EXOC4: variants seen among roughly 807,000 people sequenced by gnomAD.
EXOC4 encodes exocyst complex component 4.
A neutral mutation model predicts 107.2 loss-of-function variants in EXOC4; 71 were observed. The ratio of observed to expected loss-of-function variants is 0.66; its 90% CI spans 0.55 to 0.81. The LOEUF is 0.81. EXOC4 is among the 30% of genes least tolerant of loss of function. EXOC4 has a pLI of 0.00. For synonymous variants in EXOC4, 456 were observed against 441.2 expected, an observed-to-expected ratio of 1.03 and a Z score of -0.42; for missense variants, 1,108 against 1,189.6, an observed-to-expected ratio of 0.93 and a Z score of 1.01.
At chr7:134,014,438 G>A (rs1050210805) in intron 17 of EXOC4, among the ~76,000 whole-genome samples, 4 of 152,084 alleles carry the variant, frequency 2.6e-5, no homozygotes, top group Non-Finnish European at 4.4e-5. Flanking sequence ...ATCCATCAAC[G>A]TATGGATGAA....
intron 9 of EXOC4, among the ~76,000 whole-genome samples, chr7:133,627,251 G>A (rs949520265): frequency 6.6e-6 from 1 of 152,212 alleles, no homozygotes; most frequent in African/African-American, 2.4e-5. Flanking sequence ...TACGAGGGGA[G>A]AGGGACCTCC....
intron 10 of EXOC4, among the ~76,000 whole-genome samples, chr7:133,733,806 G>T (rs1416580769): frequency 6.6e-6 from 1 of 152,002 alleles, no homozygotes; most frequent in South Asian, 2.1e-4. Flanking sequence ...CAAGTCTATG[G>T]TAACTTTCTC....
chr7:133,605,270 T>C (rs780744222), intron 9 of EXOC4, among the ~76,000 whole-genome samples: 7 of 152,206 alleles, frequency 4.6e-5, no homozygotes, highest in Non-Finnish European at 7.3e-5. Context: ...TGCAATCTTT[T>C]AATTTTTTTG....
intron 3 of EXOC4, among the ~76,000 whole-genome samples, chr7:133,296,656 ATTGT>A (rs1293230485): frequency 1.3e-5 from 2 of 151,950 alleles, no homozygotes; most frequent in African/African-American, 2.4e-5. Context: ...TAGAAACTAG[ATTGT>A]TTGATAGGCA....
chr7:133,538,882 A>AGAGGGG (rs1357203821), intron 9 of EXOC4, among the ~76,000 whole-genome samples: 1 of 59,946 alleles, frequency 1.7e-5, no homozygotes, highest in Non-Finnish European at 3.1e-5. Context: ...AGAGAGAGAG[A>AGAGGGG]GGGAGGGAGG....
At chr7:133,692,878 C>T (rs192404416) in intron 10 of EXOC4, among the ~76,000 whole-genome samples, 91 of 152,248 alleles carry the variant, frequency 6.0e-4, no homozygotes, top group African/African-American at 2.0e-3. Context: ...GCCACATGTT[C>T]GGTACTGTGC....
chr7:133,412,285 T>TTTG (rs1554448879), intron 7 of EXOC4, among the ~76,000 whole-genome samples: 3 of 145,100 alleles, frequency 2.1e-5, no homozygotes, highest in Admixed American at 7.0e-5. Context: ...TCAGTTTTTT[T>TTTG]TTTTTTTTTT....
intron 10 of EXOC4, chr7:133,771,503 A>T (rs1012247941): frequency 6.6e-6 from 1 of 151,996 alleles, no homozygotes; most frequent in African/African-American, 2.4e-5. Context: ...GCTCTCTAAT[A>T]ACCATGCTTG....
At chr7:133,338,826 T>C (rs1795591594) in intron 5 of EXOC4, among the ~76,000 whole-genome samples, 1 of 141,102 alleles carries the variant, frequency 7.1e-6, no homozygotes, top group Admixed American at 7.6e-5. Context: ...CGATCTCAGC[T>C]CACTGCAACC....
intron 4 of EXOC4, among the ~76,000 whole-genome samples, chr7:133,310,435 C>T (rs1244786235): frequency 2.6e-5 from 4 of 152,170 alleles, no homozygotes; most frequent in Non-Finnish European, 5.9e-5. Flanking sequence ...TCAAGGTCCT[C>T]TGCTGATGAG....
chr7:133,574,683 A>C (rs1009662367), intron 9 of EXOC4, among the ~76,000 whole-genome samples: 18 of 152,176 alleles, frequency 1.2e-4, no homozygotes, highest in Admixed American at 9.2e-4. Flanking sequence ...TGCTTCTCAG[A>C]AATGTAAATT....
intron 5 of EXOC4, among the ~76,000 whole-genome samples, chr7:133,320,030 T>A (rs1312377537): frequency 6.6e-6 from 1 of 152,132 alleles, no homozygotes; most frequent in East Asian, 1.9e-4. Flanking sequence ...CAGTCCCATT[T>A]TACAGATGAG....
chr7:133,477,310 T>G (rs1314026773), intron 8 of EXOC4, among the ~76,000 whole-genome samples: 1 of 152,170 alleles, frequency 6.6e-6, no homozygotes, highest in Admixed American at 6.6e-5. Flanking sequence ...TCACCACATA[T>G]TCATCCCTCC....
intron 5 of EXOC4, among the ~76,000 whole-genome samples, chr7:133,352,887 C>T (rs1795942665): frequency 6.6e-6 from 1 of 151,950 alleles, no homozygotes; most frequent in Admixed American, 6.6e-5. Context: ...TGAATTTATA[C>T]CAGTTTAACT....
chr7:133,953,718 C>G (rs371307922), intron 14 of EXOC4, among the ~76,000 whole-genome samples: 2 of 152,076 alleles, frequency 1.3e-5, no homozygotes, highest in Admixed American at 6.5e-5. Context: ...CTAGAGAATT[C>G]AAAATTTACA....
At chr7:134,032,238 A>G (rs748641009) in intron 17 of EXOC4, among the ~76,000 whole-genome samples, 4 of 152,232 alleles carry the variant, frequency 2.6e-5, no homozygotes, top group Non-Finnish European at 5.9e-5. Flanking sequence ...GATTTTCAAT[A>G]TATTACACTA....
chr7:133,630,081 C>A lies in EXOC4; in HGVS notation c.1454C>A (p.Thr485Lys), dbSNP rs2151014858. The change falls in exon 10 of 18, where the codon ACA becomes AAA. Residue 485 changes from threonine (T) to lysine (K), a missense_variant. Physicochemically the swap from Thr to Lys is moderately conservative, Grantham distance 78. Coordinates refer to ENST00000253861, the MANE Select transcript of EXOC4 (RefSeq NM_021807.4). ...PDDNLIEGGG[T>K]KFVCKPGARN... Reference sequence around the variant, plus strand: ...GACAACTTAATTGAAGGTGGAGGAACAAAATTTGTCTGCAAACCTGGAGCC... The same window carrying A: ...GACAACTTAATTGAAGGTGGAGGAAAAAAATTTGTCTGCAAACCTGGAGCC... 6.2e-7 allele frequency: 1 copy of A among 1,613,756 alleles called. No homozygotes were observed.
intron 10 of EXOC4, among the ~76,000 whole-genome samples, chr7:133,747,660 G>A (rs1448774493): frequency 3.9e-5 from 6 of 152,270 alleles, no homozygotes; most frequent in South Asian, 2.1e-4. Context: ...TGATGGTGAT[G>A]TACCTTTCTG....
chr7:134,037,543 G>T (rs958349864), intron 17 of EXOC4, among the ~76,000 whole-genome samples: 1 of 152,154 alleles, frequency 6.6e-6, no homozygotes, highest in Non-Finnish European at 1.5e-5. Context: ...CCCTGTGTTA[G>T]GCTTTCCATT....
Sources: allele counts gnomAD v4.1 joint callset (sites outside exome capture counted in the v4.1 genomes callset), GRCh38; gene constraint gnomAD v4.1.1; transcripts MANE v1.5; gene names NCBI Gene and HGNC (gene_info 2026-07-23, HGNC 2026-07-21).